PTPRA: variants seen among roughly 807,000 people sequenced by gnomAD.
PTPRA encodes protein tyrosine phosphatase receptor type A.
PTPRA carries 25 observed loss-of-function variants against 104.8 expected under a neutral mutation model. The ratio of observed to expected loss-of-function variants is 0.24; its 90% CI spans 0.17 to 0.33. PTPRA has a LOEUF of 0.33. PTPRA is among the 10% of genes least tolerant of loss of function. PTPRA has a pLI of 1.00. For missense variants in PTPRA, 765 were observed against 1,015.3 expected (o/e 0.75, Z 3.35); for synonymous variants, 323 against 368.9 (o/e 0.88, Z 1.43).
chr20:2,915,107 T>A (rs1302379753), intron 1 of PTPRA, among the ~76,000 whole-genome samples: 2 of 151,556 alleles, frequency 1.3e-5, no homozygotes, highest in Admixed American at 1.3e-4. Context: ...GAGTTGGGGG[T>A]CTCACTGTGT....
intron 20 of PTPRA, among the ~76,000 whole-genome samples, chr20:3,029,135 T>TTTG (rs61088526): frequency 3.6e-4 from 47 of 131,564 alleles, no homozygotes; most frequent in African/African-American, 9.3e-4. Context: ...TTTTTTTTGG[T>TTTG]TTTGTTTGTT....
intron 2 of PTPRA, among the ~76,000 whole-genome samples, chr20:2,928,078 G>A (rs1191567114): frequency 6.6e-5 from 10 of 152,140 alleles, no homozygotes; most frequent in Admixed American, 6.6e-4. Context: ...GAGAGAAAAG[G>A]TACCTGGCAG....
At chr20:2,895,402 AC>A (rs1032935385) in intron 1 of PTPRA, among the ~76,000 whole-genome samples, 1 of 151,912 alleles carries the variant, frequency 6.6e-6, no homozygotes, top group African/African-American at 2.4e-5. Flanking sequence ...ATTCTTTTAG[AC>A]CCAGCTGAAA....
At chr20:2,946,998 A>T (rs969031093) in intron 2 of PTPRA, among the ~76,000 whole-genome samples, 2 of 152,188 alleles carry the variant, frequency 1.3e-5, no homozygotes, top group Non-Finnish European at 2.9e-5. Context: ...GGGTGAGAAG[A>T]TGCCTGAGAT....
intron 9 of PTPRA, among the ~76,000 whole-genome samples, chr20:3,000,804 A>G (rs913970066): frequency 4.6e-5 from 7 of 152,194 alleles, no homozygotes; most frequent in African/African-American, 1.2e-4. Context: ...AAACTAGACT[A>G]GCAATAATAA....
At chr20:2,963,409 G>A (rs1372232552) in intron 3 of PTPRA, among the ~76,000 whole-genome samples, 3 of 151,910 alleles carry the variant, frequency 2.0e-5, no homozygotes, top group African/African-American at 7.3e-5. Context: ...TGAGACCAGC[G>A]TGACCAACAT....
chr20:2,916,304 A>C (rs1403012968), intron 1 of PTPRA, among the ~76,000 whole-genome samples: 2 of 152,184 alleles, frequency 1.3e-5, no homozygotes, highest in Non-Finnish European at 1.5e-5. Context: ...TGGCGTCCCA[A>C]AGTGCTGGGA....
At chr20:2,893,549 T>C (rs1269668233) in intron 1 of PTPRA, among the ~76,000 whole-genome samples, 2 of 152,190 alleles carry the variant, frequency 1.3e-5, no homozygotes, top group African/African-American at 4.8e-5. Context: ...ATATGGTATA[T>C]CATATATATC....
chr20:2,955,601 T>C, intron 3 of PTPRA: 3 of 981,610 alleles, frequency 3.1e-6, no homozygotes, highest in Non-Finnish European at 3.6e-6. Context: ...TGATATCTGG[T>C]GTTCTAGGAC....
intron 1 of PTPRA, among the ~76,000 whole-genome samples, chr20:2,906,492 C>A (rs908392156): frequency 6.6e-6 from 1 of 152,038 alleles, no homozygotes; most frequent in East Asian, 1.9e-4. Context: ...TACGTACGTT[C>A]TGATATAACA....
At chr20:2,876,350 C>T (rs2089718809) in intron 1 of PTPRA, among the ~76,000 whole-genome samples, 1 of 152,180 alleles carries the variant, frequency 6.6e-6, no homozygotes, top group African/African-American at 2.4e-5. Context: ...AACCTCCTCC[C>T]CAGAGATGGC....
At chr20:2,910,257 TAA>T (rs2059631621) in intron 1 of PTPRA, among the ~76,000 whole-genome samples, 1 of 104,038 alleles carries the variant, frequency 9.6e-6, no homozygotes, top group Non-Finnish European at 1.9e-5. Flanking sequence ...AATATATATA[TAA>T]GGCACAGTGG....
intron 9 of PTPRA, among the ~76,000 whole-genome samples, chr20:2,996,016 T>C (rs1346044583): frequency 6.6e-6 from 1 of 152,232 alleles, no homozygotes; most frequent in Non-Finnish European, 1.5e-5. Context: ...TGTCAGTTTC[T>C]TTCCTTCCAT....
At chr20:2,894,377 C>G (rs1032572501) in intron 1 of PTPRA, among the ~76,000 whole-genome samples, 2 of 152,184 alleles carry the variant, frequency 1.3e-5, no homozygotes, top group Non-Finnish European at 2.9e-5. Flanking sequence ...ATACGTTTTT[C>G]AAGGCTATGT....
intron 5 of PTPRA, among the ~76,000 whole-genome samples, chr20:2,974,126 T>G (rs1033441904): frequency 2.5e-4 from 38 of 151,360 alleles, no homozygotes; most frequent in East Asian, 7.9e-4. Flanking sequence ...AATTTTTTTT[T>G]TGTATTTTTA....
Position 3,038,600 on chromosome 20 carries a change from A to G in PTPRA, c.*467A>G, listed in dbSNP as rs749321108. On this transcript the variant is annotated 3_prime_UTR_variant, in exon 24 of 24. Coordinates refer to ENST00000399903, the MANE Select transcript of PTPRA (RefSeq NM_001385305.1). ...CCCCACCACTGATATCATGGGGAGTAATAGGACCAGAGCGGTATCTCTGGC... is the reference window on the plus strand; with the variant it reads ...CCCCACCACTGATATCATGGGGAGTGATAGGACCAGAGCGGTATCTCTGGC... The G allele has an allele frequency of 4.5e-5, 8 of 175,838 alleles. No individual in the cohort carries two copies. The highest frequency in any genetic ancestry group is 7.2e-5 in the Non-Finnish European group (6 of 82,982). 10.9% of individuals were successfully genotyped at this position (175,838 alleles called of 1,614,324 possible). A position where few individuals can be genotyped will look rare whatever the true frequency, so the allele number is the denominator to read the frequency against.
chr20:2,869,492 T>G (rs185771746), upstream of PTPRA, among the ~76,000 whole-genome samples: 1 of 152,332 alleles, frequency 6.6e-6, no homozygotes, highest in East Asian at 1.9e-4. Context: ...TTGAAATTAG[T>G]GTGAGATGCC....
At chr20:3,025,868 CAAAAAAAAA>C (rs560575967) in intron 17 of PTPRA, among the ~76,000 whole-genome samples, 2 of 67,962 alleles carry the variant, frequency 2.9e-5, no homozygotes, top group Non-Finnish European at 6.9e-5. Flanking sequence ...GACTCTGTCT[CAAAAAAAAA>C]AAAAAAAAAG....
intron 2 of PTPRA, among the ~76,000 whole-genome samples, chr20:2,924,919 TC>T (rs1236891220): frequency 6.6e-6 from 1 of 152,142 alleles, no homozygotes; most frequent in African/African-American, 2.4e-5. Flanking sequence ...AACCTCATGA[TC>T]CGCCTGCCTC....
Sources: gnomAD v4.1 joint callset for allele counts (sites outside exome capture counted in the v4.1 genomes callset) on GRCh38, gnomAD v4.1.1 for gene constraint, MANE v1.5 for transcripts, NCBI Gene and HGNC (gene_info 2026-07-23, HGNC 2026-07-21) for gene names.